Variants in ZNF462 observed in about 807,000 individuals in gnomAD.
ZNF462 encodes zinc finger protein 462.
Under a neutral mutation model 201.9 loss-of-function variants are expected in ZNF462, and 10 were observed. The ratio of observed to expected loss-of-function variants is 0.05; its 90% CI spans 0.03 to 0.08. The LOEUF is 0.08. Among genes scored for constraint, ZNF462 ranks in the 10% least tolerant of loss-of-function variants. ZNF462 has a pLI of 1.00. For synonymous variants in ZNF462, 1,227 were observed against 1,193.3 expected (o/e 1.03, Z -0.58); for missense variants, 2,523 against 3,168.3 (o/e 0.80, Z 4.89).
Position 106,886,423 on chromosome 9 carries a change from A to G in ZNF462, c.-31+23068A>G, listed in dbSNP as rs976121935. ...GGATTCAAGCCACTGCATGTTGGCA[A>G]TGTAGTAGATCCTGGTTTTAAAAAT... On this transcript the variant is annotated intron_variant, in intron 1 of 12. Transcript: ENST00000277225. The surrounding 1 kb of genome is among the most constrained non-coding windows in gnomAD (Gnocchi z 4.6). Among the ~76,000 whole-genome samples, 12 of 152,254 alleles carry G rather than the reference A, an allele frequency of 7.9e-5. No homozygotes were observed. Among genetic ancestry groups the G allele is most frequent in the African/African-American group, 2.9e-4 (12 of 41,474 alleles).
rs1828339312 is a variant in ZNF462, at chr9:106,886,794, A to G, written c.-31+23439A>G. On this transcript the variant is annotated intron_variant, in intron 1 of 12. Coordinates refer to ENST00000277225, the MANE Select transcript of ZNF462 (RefSeq NM_021224.6). The surrounding 1 kb of genome is among the most constrained non-coding windows in gnomAD (Gnocchi z 4.6). ...ACAACAGTGTTGGCAGATAGCTTCT[A>G]TTTCTCGTGCCAATTTTGATTGATT... Among the ~76,000 whole-genome samples, 1 of 152,136 alleles carries G rather than the reference A, an allele frequency of 6.6e-6. No homozygotes were observed. The highest frequency in any genetic ancestry group is 1.5e-5 in the Non-Finnish European group (1 of 68,026).
At chr9:106,889,535 T>A (rs1588005223) in intron 1 of ZNF462, among the ~76,000 whole-genome samples, 1 of 152,350 alleles carries the variant, frequency 6.6e-6, no homozygotes, top group African/African-American at 2.4e-5. Flanking sequence ...TACACAGCCT[T>A]TCCCCGCTCA....
At chr9:106,881,294 A>G (rs1759834763) in intron 1 of ZNF462, among the ~76,000 whole-genome samples, 1 of 152,184 alleles carries the variant, frequency 6.6e-6, no homozygotes, top group South Asian at 2.1e-4. Context: ...CAGAGGACAC[A>G]TCGAAGGGGG....
rs1253099025 is a variant in ZNF462 at position 106,972,836 on chromosome 9, A to G, written c.6695+564A>G. Among the ~76,000 whole-genome samples, 1 of 152,154 alleles carries G rather than the reference A, an allele frequency of 6.6e-6. No homozygotes were observed. Among genetic ancestry groups the G allele is most frequent in the Non-Finnish European group, 1.5e-5 (1 of 68,020 alleles). On this transcript the variant is annotated intron_variant, in intron 8 of 12. Coordinates refer to ENST00000277225, the MANE Select transcript of ZNF462 (RefSeq NM_021224.6). The surrounding 1 kb of genome is among the most constrained non-coding windows in gnomAD (Gnocchi z 4.8). Reference sequence around the variant, plus strand: ...TCCATAGTCACCCTTGCCCCTGTGGATGACAGAATTGATGGACTCAATTAT... The same window carrying G: ...TCCATAGTCACCCTTGCCCCTGTGGGTGACAGAATTGATGGACTCAATTAT...
intron 7 of ZNF462, among the ~76,000 whole-genome samples, chr9:106,958,381 G>A (rs1831675715): frequency 6.6e-6 from 1 of 151,994 alleles, no homozygotes; most frequent in Non-Finnish European, 1.5e-5. Flanking sequence ...ATTTCTCACT[G>A]GGATCATTCC....
In ZNF462 at chr9:107,003,229, C is replaced by T; in HGVS notation, c.7057-65C>T. 1.3e-5 allele frequency: 20 copies of T among 1,590,264 alleles called. No homozygotes were observed. In the South Asian group the frequency reaches 2.2e-4, roughly 17 times the overall value. ...GGAAAATGATGTTAGAAAGATCTCTCCATCAGGGAGAACCCCATTTGGTCT... is the reference window on the plus strand; with the variant it reads ...GGAAAATGATGTTAGAAAGATCTCTTCATCAGGGAGAACCCCATTTGGTCT... On this transcript the variant is annotated intron_variant, in intron 10 of 12. Transcript: ENST00000277225. This position sits in a 1 kb window ranked among gnomAD's most constrained non-coding sequence, Gnocchi z 4.4.
At chr9:106,947,987 A>G (rs1237750815) in intron 7 of ZNF462, among the ~76,000 whole-genome samples, 1 of 152,220 alleles carries the variant, frequency 6.6e-6, no homozygotes, top group East Asian at 1.9e-4. Context: ...ATAAAGTGAG[A>G]AATTGTATAT....
intron 7 of ZNF462, among the ~76,000 whole-genome samples, chr9:106,943,053 C>CGTGTGTGT (rs1178724774): frequency 2.9e-5 from 4 of 138,016 alleles, no homozygotes; most frequent in African/African-American, 8.9e-5. Context: ...TTTTGTTTTG[C>CGTGTGTGT]GCGCGCGTGT....
intron 1 of ZNF462, among the ~76,000 whole-genome samples, chr9:106,866,879 T>G (rs976240976): frequency 5.9e-5 from 9 of 152,224 alleles, no homozygotes; most frequent in African/African-American, 2.2e-4. Context: ...ATAAGTACAT[T>G]ATATATTGAT....
At chr9:106,900,233 TG>T (rs1829004578) in intron 1 of ZNF462, among the ~76,000 whole-genome samples, 1 of 151,614 alleles carries the variant, frequency 6.6e-6, no homozygotes, top group Non-Finnish European at 1.5e-5. Context: ...TGTGTGTGTG[TG>T]TGTGTGTGTG....
chr9:106,910,732 G>C (rs1829515149), intron 1 of ZNF462, among the ~76,000 whole-genome samples: 1 of 151,262 alleles, frequency 6.6e-6, no homozygotes, highest in African/African-American at 2.5e-5. Context: ...CCCCAGCCAA[G>C]CCTTTGTTAG....
chr9:106,864,378 T>TG (rs943139182), intron 1 of ZNF462, among the ~76,000 whole-genome samples: 9 of 151,840 alleles, frequency 5.9e-5, no homozygotes, highest in East Asian at 5.9e-4. Context: ...GGCAGGGGCC[T>TG]GGGGGGGCGT....
intron 1 of ZNF462, among the ~76,000 whole-genome samples, chr9:106,887,139 C>T (rs947794353): frequency 1.3e-5 from 2 of 152,152 alleles, no homozygotes; most frequent in African/African-American, 4.8e-5. Context: ...TCCAGGGTAA[C>T]TAAGTTGTTG....
At position 106,920,505 on chromosome 9, in the gene ZNF462, C is replaced by T. The variant is rs1218332431; in HGVS notation, c.-30-2849C>T. On this transcript the variant is annotated intron_variant, in intron 1 of 12. Transcript: ENST00000277225. The surrounding 1 kb of genome is among the most constrained non-coding windows in gnomAD (Gnocchi z 4.3). ...CTCTACCTGATGCTGGTTCTCTCAGCGGCCTGGAGATTAACCTCTTCTAAG... is the reference window on the plus strand; with the variant it reads ...CTCTACCTGATGCTGGTTCTCTCAGTGGCCTGGAGATTAACCTCTTCTAAG... 6.6e-6 allele frequency among the ~76,000 whole-genome samples: 1 copy of T among 152,186 alleles called. No individual in the cohort carries two copies. Among genetic ancestry groups the T allele is most frequent in the Admixed American group, 6.5e-5 (1 of 15,278 alleles).
At chr9:106,988,405 A>T (rs1828012791) in intron 10 of ZNF462, among the ~76,000 whole-genome samples, 1 of 152,092 alleles carries the variant, frequency 6.6e-6, no homozygotes, top group South Asian at 2.1e-4. Flanking sequence ...CCCACAGTAC[A>T]TGGGAATTAT....
At chr9:106,991,839 T>TCTACACACACACACACACACAC (rs941555040) in intron 10 of ZNF462, among the ~76,000 whole-genome samples, 2 of 136,260 alleles carry the variant, frequency 1.5e-5, no homozygotes, top group African/African-American at 5.7e-5. Context: ...CAGCACTCTC[T>TCTACACACACACACACACACAC]ACACACACAC....
Position 106,978,612 on chromosome 9 carries a change from A to T in ZNF462, c.6832+4339A>T, listed in dbSNP as rs2132154780. ...TAACTAGGGAAAAATTAAGCCCTGA[A>T]CTTCTCTTTCAAGGATGAAGTCAGT... On this transcript the variant is annotated intron_variant, in intron 9 of 12. Transcript: ENST00000277225. The surrounding 1 kb of genome is among the most constrained non-coding windows in gnomAD (Gnocchi z 4.1). 6.6e-6 allele frequency among the ~76,000 whole-genome samples: 1 copy of T among 151,650 alleles called. No individual in the cohort carries two copies. The highest frequency in any genetic ancestry group is 2.1e-4 in the South Asian group (1 of 4,808).
Position 106,929,160 on chromosome 9 carries a change from A to G in ZNF462, c.5248A>G (p.Lys1750Glu), listed in dbSNP as rs368929882. Residue 1750 changes from lysine to glutamate, a missense_variant, in exon 3 of 13, where the codon AAG becomes GAG. This residue lies in a region of ZNF462 where 207 missense variants were observed against 231.6 expected (regional missense o/e 0.89). Coordinates refer to ENST00000277225, the MANE Select transcript of ZNF462 (RefSeq NM_021224.6). The surrounding 1 kb of genome is among the most constrained non-coding windows in gnomAD (Gnocchi z 8.7). ...PNKVIIPSPP[K>E]DDSPQLSEEL... ...CAAAGTGATCATCCCATCCCCGCCC[A>G]AGGACGACTCCCCTCAGCTGAGCGA... 9 of 1,613,944 alleles carry G rather than the reference A, an allele frequency of 5.6e-6. No individual in the cohort carries two copies. The highest frequency in any genetic ancestry group is 8.5e-7 in the Non-Finnish European group (1 of 1,180,004).
Position 106,932,662 on chromosome 9 carries a change from C to A in ZNF462, c.6116+113C>A. On this transcript the variant is annotated intron_variant, in intron 5 of 12. Transcript: ENST00000277225. This position sits in a 1 kb window ranked among gnomAD's most constrained non-coding sequence, Gnocchi z 6.8. ...AAGAAGGCCCCACTCATGGTTCACA[C>A]CTGCTGCTATGTTACCTGGAGCCTC... 1 of 1,346,108 alleles carries A rather than the reference C, an allele frequency of 7.4e-7. No homozygotes were observed. The highest frequency in any genetic ancestry group is 1.0e-6 in the Non-Finnish European group (1 of 969,452). 83.4% of individuals were successfully genotyped at this position (1,346,108 alleles called of 1,614,324 possible). A position where few individuals can be genotyped will look rare whatever the true frequency, so the allele number is the denominator to read the frequency against.
Sources: allele counts gnomAD v4.1 joint callset (sites outside exome capture counted in the v4.1 genomes callset), GRCh38; gene constraint gnomAD v4.1.1; regional missense constraint gnomAD v4.1.1; non-coding constraint Gnocchi (gnomAD v3.1); transcripts MANE v1.5; gene names NCBI Gene and HGNC (gene_info 2026-07-23, HGNC 2026-07-21).